Variants in SGCZ observed in about 807,000 individuals in gnomAD.
SGCZ encodes sarcoglycan zeta, also known as zeta-sarcoglycan.
In SGCZ, 40 loss-of-function variants were observed where a neutral mutation model predicts 41.3. That is an observed-to-expected ratio of 0.97 (90% confidence interval 0.75 to 1.26). The LOEUF (loss-of-function observed/expected upper bound fraction) is 1.26, where lower values mean the gene tolerates loss of function less well. Ranked by LOEUF, SGCZ falls within the 50% of genes most tolerant of loss-of-function variation. SGCZ has a pLI of 0.00. For synonymous variants in SGCZ, 206 were observed against 137.5 expected (o/e 1.50, Z -3.49); for missense variants, 552 against 369.8 (o/e 1.49, Z -4.04).
chr8:14,299,112 T>C lies in SGCZ; in HGVS notation c.336+24991A>G, dbSNP rs564669925. Reference sequence around the variant, plus strand: ...GAGAAAGAAAAGTCTTTTAAACAAATGGAGTTGAGTATGGAAAAAGTACAC... The same window carrying C: ...GAGAAAGAAAAGTCTTTTAAACAAACGGAGTTGAGTATGGAAAAAGTACAC... On this transcript the variant is annotated intron_variant, in intron 3 of 7. Transcript: ENST00000382080. Among the ~76,000 whole-genome samples, 137 of 152,142 alleles carry C rather than the reference T, an allele frequency of 9.0e-4. 1 individual carries two copies. The highest frequency in any genetic ancestry group is 1.8e-3 in the Non-Finnish European group (119 of 67,902).
In SGCZ at chr8:15,146,697, C is replaced by T. The variant is rs1041167406; in HGVS notation, c.39+90888G>A. ...GCATGGGGAAGGAATGGTAACATCA[C>T]TCATTTTCATTATAATACCTGTACT... On this transcript the variant is annotated intron_variant, in intron 1 of 7. Coordinates refer to ENST00000382080, the MANE Select transcript of SGCZ (RefSeq NM_139167.4). Among the ~76,000 whole-genome samples, 39 of 152,130 alleles carry T rather than the reference C, an allele frequency of 2.6e-4. 1 individual carries two copies. Among genetic ancestry groups the T allele is most frequent in the Admixed American group, 6.6e-5 (1 of 15,260 alleles).
intron 1 of SGCZ, among the ~76,000 whole-genome samples, chr8:14,901,651 A>G (rs765880225): frequency 1.3e-5 from 2 of 152,102 alleles, no homozygotes; most frequent in Non-Finnish European, 2.9e-5. Context: ...TATCCTTTGT[A>G]TATGGAAACA....
intron 1 of SGCZ, among the ~76,000 whole-genome samples, chr8:14,755,592 A>G (rs1799639218): frequency 6.6e-6 from 1 of 152,226 alleles, no homozygotes; most frequent in Non-Finnish European, 1.5e-5. Flanking sequence ...ATAAGCTTTT[A>G]TTCATGAGTA....
At chr8:14,569,083 T>C (rs772553217) in intron 1 of SGCZ, among the ~76,000 whole-genome samples, 1 of 152,138 alleles carries the variant, frequency 6.6e-6, no homozygotes, top group Non-Finnish European at 1.5e-5. Context: ...TTTGAAAACA[T>C]CTTTCATTCT....
Position 14,324,136 on chromosome 8 carries a change from A to C in SGCZ, c.303T>G (p.Leu101=), listed in dbSNP as rs772711079. The C allele has an allele frequency of 1.2e-6, 2 of 1,612,960 alleles. No individual in the cohort carries two copies. Among genetic ancestry groups the C allele is most frequent in the Non-Finnish European group, 1.7e-6 (2 of 1,179,392 alleles). Residue 101 remains leucine, a synonymous_variant, in exon 3 of 8, where the codon CTT becomes CTG. Coordinates refer to ENST00000382080, the MANE Select transcript of SGCZ (RefSeq NM_139167.4). ...IRLEGISEFL[L]PLYVKEIHSR... ...AATGAATTTCTTTCACATACAATGG[A>C]AGTAGAAACTCAGATATACCTTCAA...
At chr8:14,171,168 C>T (rs1443038799) in intron 4 of SGCZ, among the ~76,000 whole-genome samples, 2 of 129,824 alleles carry the variant, frequency 1.5e-5, no homozygotes, top group Non-Finnish European at 3.3e-5. Context: ...AAAAAAAAAA[C>T]TAACACCTCA....
At chr8:14,505,556 T>G (rs1031071885) in intron 2 of SGCZ, among the ~76,000 whole-genome samples, 1 of 152,176 alleles carries the variant, frequency 6.6e-6, no homozygotes, top group African/African-American at 2.4e-5. Context: ...TCACATAATC[T>G]CAGCTTTGTA....
chr8:15,082,350 C>A (rs747796193), intron 1 of SGCZ, among the ~76,000 whole-genome samples: 5 of 151,874 alleles, frequency 3.3e-5, no homozygotes, highest in Non-Finnish European at 7.4e-5. Flanking sequence ...ATATTAGGTA[C>A]TCAATAAACA....
chr8:14,544,463 C>T (rs1803564016), intron 2 of SGCZ, among the ~76,000 whole-genome samples: 1 of 152,092 alleles, frequency 6.6e-6, no homozygotes, highest in Non-Finnish European at 1.5e-5. Flanking sequence ...TTCCTTCTTG[C>T]AGAGAGCCTA....
intron 1 of SGCZ, among the ~76,000 whole-genome samples, chr8:15,216,414 G>A (rs942664565): frequency 2.6e-5 from 4 of 151,904 alleles, no homozygotes; most frequent in Admixed American, 6.5e-5. Flanking sequence ...TAGAGACGGA[G>A]TTTCACCGTG....
chr8:14,424,260 T>A (rs944394761), intron 2 of SGCZ, among the ~76,000 whole-genome samples: 1 of 152,164 alleles, frequency 6.6e-6, no homozygotes. Context: ...TTCTCTGCAA[T>A]GTTAGGTGCT....
chr8:15,058,735 T>C (rs1021362044), intron 1 of SGCZ, among the ~76,000 whole-genome samples: 1 of 152,182 alleles, frequency 6.6e-6, no homozygotes, highest in Non-Finnish European at 1.5e-5. Flanking sequence ...TTAGGATCCT[T>C]GGATCCCATG....
intron 1 of SGCZ, among the ~76,000 whole-genome samples, chr8:14,566,271 C>T (rs1804356062): frequency 6.6e-6 from 1 of 152,012 alleles, no homozygotes; most frequent in South Asian, 2.1e-4. Flanking sequence ...AAAAGATAAG[C>T]CCGAATATTG....
chr8:14,091,280 A>G (rs1457223578), intron 7 of SGCZ, among the ~76,000 whole-genome samples: 1 of 151,834 alleles, frequency 6.6e-6, no homozygotes, highest in East Asian at 1.9e-4. Flanking sequence ...TATTGTGAAG[A>G]GTGCCGCAAT....
intron 4 of SGCZ, among the ~76,000 whole-genome samples, chr8:14,213,944 C>G (rs969969192): frequency 6.6e-6 from 1 of 152,028 alleles, no homozygotes; most frequent in Non-Finnish European, 1.5e-5. Flanking sequence ...ACTTAACTCC[C>G]AGCTGCTTAA....
At chr8:14,620,784 A>G (rs193203940) in intron 1 of SGCZ, among the ~76,000 whole-genome samples, 62 of 152,298 alleles carry the variant, frequency 4.1e-4, no homozygotes, top group African/African-American at 1.4e-3. Flanking sequence ...AAAAGTCAGG[A>G]AACAACAGGT....
intron 1 of SGCZ, among the ~76,000 whole-genome samples, chr8:15,232,334 CT>C (rs1374666916): frequency 6.6e-6 from 1 of 151,960 alleles, no homozygotes; most frequent in Non-Finnish European, 1.5e-5. Flanking sequence ...TTTACTGGGC[CT>C]TCAACATTTG....
At chr8:14,962,445 T>C (rs1800994696) in intron 1 of SGCZ, among the ~76,000 whole-genome samples, 1 of 151,970 alleles carries the variant, frequency 6.6e-6, no homozygotes, top group Non-Finnish European at 1.5e-5. Context: ...GAAAAATGAA[T>C]GTGTGTTCTA....
chr8:14,882,606 A>G (rs958037230), intron 1 of SGCZ, among the ~76,000 whole-genome samples: 5 of 152,154 alleles, frequency 3.3e-5, no homozygotes, highest in Non-Finnish European at 5.9e-5. Flanking sequence ...TCATTAACCA[A>G]TCACTCAGAT....
Sources: allele counts gnomAD v4.1 joint callset (sites outside exome capture counted in the v4.1 genomes callset), GRCh38; gene constraint gnomAD v4.1.1; transcripts MANE v1.5; gene names NCBI Gene and HGNC (gene_info 2026-07-23, HGNC 2026-07-21).